Variants in HHLA1 observed in about 807,000 individuals in gnomAD.
HHLA1 encodes HERV-H LTR-associating protein 1.
A neutral mutation model predicts 69.9 loss-of-function variants in HHLA1; 72 were observed. That is an observed-to-expected ratio of 1.03 (90% CI 0.85 to 1.25). The LOEUF (loss-of-function observed/expected upper bound fraction) is 1.25, where lower values mean the gene tolerates loss of function less well. Ranked by LOEUF, HHLA1 falls within the 50% of genes most tolerant of loss-of-function variation. HHLA1 has a pLI of 0.00. For missense variants in HHLA1, 685 were observed against 642.2 expected (o/e 1.07, Z -0.72); for synonymous variants, 252 against 233.2 (o/e 1.08, Z -0.73).
At chr8:132,104,228 T>G in intron 2 of HHLA1, 61 bp from the exon 3 acceptor site, 1 of 1,171,564 alleles carries the variant, frequency 8.5e-7, no homozygotes, top group South Asian at 1.3e-5. Flanking sequence ...GGAGATAATT[T>G]GATTCAACAT....
chr8:132,086,352 T>C (rs1823862700), intron 10 of HHLA1, among the ~76,000 whole-genome samples: 2 of 152,108 alleles, frequency 1.3e-5, no homozygotes, highest in South Asian at 4.1e-4. Context: ...ATGTGAACTG[T>C]CTAATTGCAG....
rs1360690244 is a variant in HHLA1, at chr8:132,102,215, T to C, written c.139+1893A>G. Among the ~76,000 whole-genome samples the C allele has an allele frequency of 2.0e-5, 3 of 152,268 alleles. No homozygotes were observed. In the East Asian group the frequency reaches 5.8e-4, roughly 29 times the overall value. ...CGAATAATATTGCATTGTATGTATATACCACATTTCCTTTTCCTGTTTATC... is the reference window on the plus strand; with the variant it reads ...CGAATAATATTGCATTGTATGTATACACCACATTTCCTTTTCCTGTTTATC... On this transcript the variant is annotated intron_variant, in intron 3 of 16. Transcript: ENST00000414222.
At chr8:132,085,649 G>A (rs1283100551) in intron 10 of HHLA1, 1 of 159,502 alleles carries the variant, frequency 6.3e-6, no homozygotes, top group Non-Finnish European at 1.4e-5. Context: ...TCCGAAAAGA[G>A]AGTCAGTGAA....
intron 15 of HHLA1, among the ~76,000 whole-genome samples, chr8:132,066,284 G>A (rs1823437996): frequency 6.6e-6 from 1 of 152,132 alleles, no homozygotes; most frequent in Admixed American, 6.5e-5. Flanking sequence ...GGCAATAATG[G>A]AACCTATACT....
At position 132,078,665 on chromosome 8, in the gene HHLA1, T is replaced by C. The variant is rs139402406; in HGVS notation, c.926-694A>G. Reference sequence around the variant, plus strand: ...GTTCTCTGTGTACAATAGTTCTTTGTAGGCTGGATCATAACTATTGGTTTA... The same window carrying C: ...GTTCTCTGTGTACAATAGTTCTTTGCAGGCTGGATCATAACTATTGGTTTA... On this transcript the variant is annotated intron_variant, in intron 11 of 16. Transcript: ENST00000414222. Among the ~76,000 whole-genome samples, 665 of 152,310 alleles carry C rather than the reference T, an allele frequency of 4.4e-3. 6 individuals are homozygous for C. The highest frequency in any genetic ancestry group is 0.015 in the African/African-American group (632 of 41,570).
In HHLA1 at chr8:132,077,759, G is replaced by T; in HGVS notation, c.1138C>A (p.Pro380Thr). 3.9e-6 allele frequency: 6 copies of T among 1,551,688 alleles called. No homozygotes were observed. Among genetic ancestry groups the T allele is most frequent in the Non-Finnish European group, 4.4e-6 (5 of 1,146,976 alleles). The change falls in exon 12 of 17, where the codon CCT (proline) becomes ACT (threonine). Residue 380 changes from proline (P) to threonine (T), a missense_variant. Physicochemically the swap from Pro to Thr is conservative, Grantham distance 38. Transcript: ENST00000414222. ...LAPAAEIMAT[P>T]GSPSQASPTL... ...GGGCTGGCCTGGGATGGGCTGCCAG[G>T]TGTGGCCATTATCTCAGCAGCAGGC...
intron 15 of HHLA1, among the ~76,000 whole-genome samples, chr8:132,068,917 A>G (rs962874598): frequency 2.0e-5 from 3 of 152,222 alleles, no homozygotes; most frequent in Admixed American, 1.3e-4. Context: ...AGTTTAGATT[A>G]TCTCAGTTTA....
chr8:132,103,958 G>A (rs2130900870), intron 3 of HHLA1, 150 bp downstream of exon 3: 1 of 605,564 alleles, frequency 1.7e-6, no homozygotes, highest in Non-Finnish European at 3.0e-6. Context: ...ATAAAGAAAT[G>A]AGTAGCTCAC....
intron 13 of HHLA1, 56 bp downstream of exon 13, chr8:132,076,419 T>TGCCCCCCCCCCCCCCCCCCC: frequency 1.7e-6 from 1 of 596,568 alleles, no homozygotes; most frequent in East Asian, 3.3e-5. Flanking sequence ...TCCCCAAGCT[T>TGCCCCCCCCCCCCCCCCCCC]CCCACCCCTC....
In HHLA1 at chr8:132,062,311, C is replaced by T. The variant is rs1364146364; in HGVS notation, c.*1684G>A. The T allele has an allele frequency of 3.3e-5, 5 of 152,144 alleles. No homozygotes were observed. Among genetic ancestry groups the T allele is most frequent in the African/African-American group, 1.2e-4 (5 of 41,416 alleles). 9.4% of individuals were successfully genotyped at this position (152,144 alleles called of 1,614,324 possible). A position where few individuals can be genotyped will look rare whatever the true frequency, so the allele number is the denominator to read the frequency against. On this transcript the variant is annotated 3_prime_UTR_variant, in exon 17 of 17. Coordinates refer to ENST00000414222, the MANE Select transcript of HHLA1 (RefSeq NM_001145095.3). ...TGGAGAATAAAAAGAAATCTTTCTG[C>T]ATATGATTAGAAAGAGAAATGTCTG... is the stretch of plus-strand genomic sequence containing the variant.
At chr8:132,100,792 C>T in intron 3 of HHLA1, among the ~76,000 whole-genome samples, 1 of 152,138 alleles carries the variant, frequency 6.6e-6, no homozygotes, top group East Asian at 1.9e-4. Context: ...TGTGGGAGCA[C>T]AGGGCACTAG....
chr8:132,070,539 A>G (rs1294139657), intron 15 of HHLA1, among the ~76,000 whole-genome samples: 1 of 152,164 alleles, frequency 6.6e-6, no homozygotes, highest in Non-Finnish European at 1.5e-5. Flanking sequence ...AACACAACAT[A>G]TCTCAATATA....
chr8:132,096,768 G>A (rs549428575), intron 5 of HHLA1, among the ~76,000 whole-genome samples: 1 of 152,256 alleles, frequency 6.6e-6, no homozygotes, highest in South Asian at 2.1e-4. Context: ...AAAGGGGAAA[G>A]GTGGGTATGC....
chr8:132,092,113 T>C (rs1211435884), intron 7 of HHLA1, among the ~76,000 whole-genome samples: 1 of 152,146 alleles, frequency 6.6e-6, no homozygotes, highest in Non-Finnish European at 1.5e-5. Flanking sequence ...TTTTAAGACA[T>C]ATGGGTTAGT....
intron 14 of HHLA1, among the ~76,000 whole-genome samples, chr8:132,073,478 T>A (rs1823583407): frequency 6.6e-6 from 1 of 152,200 alleles, no homozygotes; most frequent in Admixed American, 6.5e-5. Flanking sequence ...TCTCCTAAGA[T>A]CTTTGCATAC....
chr8:132,076,477 G>A lies in HHLA1; in HGVS notation c.1238C>T (p.Thr413Ile), dbSNP rs747531835. 6.9e-7 allele frequency: 1 copy of A among 1,442,364 alleles called. No individual in the cohort carries two copies. Among genetic ancestry groups the A allele is most frequent in the African/African-American group, 1.6e-5 (1 of 62,450 alleles). 89.3% of individuals were successfully genotyped at this position (1,442,364 alleles called of 1,614,324 possible). Residue 413 changes from threonine to isoleucine, a missense_variant and splice_region_variant, in exon 13 of 17, where the codon ACA becomes ATA. Coordinates refer to ENST00000414222, the MANE Select transcript of HHLA1 (RefSeq NM_001145095.3). ...TKATAPRYPQTGDLSAEWPFT... is the reference protein window; with the variant it reads ...TKATAPRYPQIGDLSAEWPFT... ...CACTTCCGTACTGAGTTTCTCACCT[G>A]TTTGTGGATATCTGGGGGCTGTTGC... is the stretch of plus-strand genomic sequence containing the variant.
At chr8:132,099,793 GCAGTGAGC>G (rs1374022806) in intron 4 of HHLA1, among the ~76,000 whole-genome samples, 3 of 152,048 alleles carry the variant, frequency 2.0e-5, no homozygotes, top group African/African-American at 7.2e-5. Flanking sequence ...GGCGGAGGTT[GCAGTGAGC>G]CAAGATCGTG....
At chr8:132,071,537 G>C (rs1405688809) in intron 14 of HHLA1, 44 bp from the exon 15 acceptor site, 1 of 1,534,616 alleles carries the variant, frequency 6.5e-7, no homozygotes, top group Admixed American at 2.0e-5. Context: ...TAAGAGTTTA[G>C]TAAGCATCTT....
intron 1 of HHLA1, among the ~76,000 whole-genome samples, chr8:132,106,174 G>A (rs1001163019): frequency 6.6e-6 from 1 of 152,156 alleles, no homozygotes; most frequent in Admixed American, 6.5e-5. Flanking sequence ...TTTACCATTG[G>A]TAGAGGGTTG....
Sources: gnomAD v4.1 joint callset for allele counts (sites outside exome capture counted in the v4.1 genomes callset) on GRCh38, gnomAD v4.1.1 for gene constraint, MANE v1.5 for transcripts, NCBI Gene and HGNC (gene_info 2026-07-23, HGNC 2026-07-21) for gene names.